ERG: variants seen among roughly 807,000 people sequenced by gnomAD.
ERG encodes the protein ETS transcription factor ERG.
Under a neutral mutation model 55.3 loss-of-function variants are expected in ERG, and 9 were observed. The observed-to-expected ratio is 0.16, with a 90% confidence interval of 0.10 to 0.28. The LOEUF is 0.28. ERG is among the 10% of genes least tolerant of loss of function. ERG has a pLI of 1.00. For missense variants in ERG, 434 were observed against 631.6 expected, an observed-to-expected ratio of 0.69 and a Z score of 3.35; for synonymous variants, 223 against 237.3, an observed-to-expected ratio of 0.94 and a Z score of 0.55.
At chr21:38,480,760 C>T (rs2146648709) in intron 1 of ERG, among the ~76,000 whole-genome samples, 1 of 152,090 alleles carries the variant, frequency 6.6e-6, no homozygotes, top group Non-Finnish European at 1.5e-5. Context: ...CTTTGCCTGA[C>T]CATGCCCTAA....
chr21:38,541,493 T>A (rs1044279759), intron 2 of ERG, among the ~76,000 whole-genome samples: 11 of 152,228 alleles, frequency 7.2e-5, no homozygotes, highest in African/African-American at 2.7e-4. Flanking sequence ...CTTGCTCAAG[T>A]GTAAAATAAA....
chr21:38,524,298 T>C (rs1373610194), intron 2 of ERG, among the ~76,000 whole-genome samples: 3 of 152,244 alleles, frequency 2.0e-5, no homozygotes, highest in Non-Finnish European at 4.4e-5. Context: ...GGCTTGAATT[T>C]CTATAAACAA....
intron 1 of ERG, among the ~76,000 whole-genome samples, chr21:38,580,903 G>C (rs954104084): frequency 1.3e-5 from 2 of 152,272 alleles, no homozygotes; most frequent in Admixed American, 1.3e-4. Context: ...GAGACCCCTC[G>C]ACCCTACCCC....
chr21:38,428,394 C>T (rs562331840), intron 2 of ERG, among the ~76,000 whole-genome samples: 39 of 152,262 alleles, frequency 2.6e-4, no homozygotes, highest in East Asian at 5.8e-4. Flanking sequence ...GAAAAAGTTC[C>T]CGCAAACAGC....
intron 2 of ERG, among the ~76,000 whole-genome samples, chr21:38,513,248 C>G (rs1462101323): frequency 6.6e-6 from 1 of 151,758 alleles, no homozygotes; most frequent in Non-Finnish European, 1.5e-5. Context: ...TATTGAGCAT[C>G]GACTTTATTA....
chr21:38,511,866 C>A (rs547867307), intron 2 of ERG, among the ~76,000 whole-genome samples: 4 of 152,272 alleles, frequency 2.6e-5, no homozygotes, highest in Admixed American at 2.6e-4. Flanking sequence ...GCCAGTAACA[C>A]CTCGCAGACT....
chr21:38,501,540 T>C (rs1462405642), upstream of ERG, among the ~76,000 whole-genome samples: 1 of 152,106 alleles, frequency 6.6e-6, no homozygotes, highest in Non-Finnish European at 1.5e-5. Context: ...AGAACCAGGC[T>C]GCCTTTCCCA....
chr21:38,623,642 G>A (rs2060307097), intron 1 of ERG, among the ~76,000 whole-genome samples: 1 of 152,178 alleles, frequency 6.6e-6, no homozygotes, highest in Non-Finnish European at 1.5e-5. Flanking sequence ...CCTGGTAGCA[G>A]AGCGTGAGGT....
At chr21:38,373,046 C>T in the ERG span, among the ~76,000 whole-genome samples, 1 of 152,172 alleles carries the variant, frequency 6.6e-6, no homozygotes, top group African/African-American at 2.4e-5. Context: ...TCAGTGCACA[C>T]TCTTTGCTCC....
intron 3 of ERG, among the ~76,000 whole-genome samples, chr21:38,411,780 C>T (rs1454903636): frequency 1.3e-5 from 2 of 152,174 alleles, no homozygotes; most frequent in Non-Finnish European, 1.5e-5. Flanking sequence ...ATGTCACTGA[C>T]CTATCAATTA....
In ERG at chr21:38,381,809, G is replaced by C. The variant is rs1218216606; in HGVS notation, c.*1594C>G. On this transcript the variant is annotated 3_prime_UTR_variant, in exon 10 of 10. Coordinates refer to ENST00000288319, the MANE Select transcript of ERG (RefSeq NM_182918.4). ...CCAATGTGAAACCCGGGGTCCTTCT[G>C]TTCCAAAAGGGGCTAGAAATAAAAG... 2.8e-6 allele frequency: 3 copies of C among 1,063,602 alleles called. No homozygotes were observed. Among genetic ancestry groups the C allele is most frequent in the South Asian group, 9.1e-5 (2 of 21,956 alleles). 65.9% of individuals were successfully genotyped at this position (1,063,602 alleles called of 1,614,324 possible).
At chr21:38,465,165 G>A (rs2059077150) in intron 1 of ERG, among the ~76,000 whole-genome samples, 1 of 152,178 alleles carries the variant, frequency 6.6e-6, no homozygotes, top group African/African-American at 2.4e-5. Context: ...GTCTGTAATT[G>A]TGTTTCTGAA....
chr21:38,571,868 C>T (rs2146856361), intron 2 of ERG, among the ~76,000 whole-genome samples: 1 of 152,268 alleles, frequency 6.6e-6, no homozygotes, highest in East Asian at 1.9e-4. Context: ...TCCTCTCCTC[C>T]AGGACAGCCT....
At chr21:38,429,395 A>ATAAACATG (rs1555897794) in intron 2 of ERG, among the ~76,000 whole-genome samples, 2 of 13,974 alleles carry the variant, frequency 1.4e-4, no homozygotes, top group Non-Finnish European at 4.9e-4. Flanking sequence ...ATGTACACAT[A>ATAAACATG]TACACATGTA....
intron 9 of ERG, among the ~76,000 whole-genome samples, chr21:38,388,839 G>A (rs77216355): frequency 6.6e-6 from 1 of 152,106 alleles, no homozygotes; most frequent in African/African-American, 2.4e-5. Context: ...GGGCATCCCC[G>A]GGCTGCTGGG....
intron 2 of ERG, among the ~76,000 whole-genome samples, chr21:38,541,263 T>C (rs894463402): frequency 6.6e-6 from 1 of 152,102 alleles, no homozygotes; most frequent in Admixed American, 6.5e-5. Flanking sequence ...TCAAATCAAA[T>C]TGGAAGAGAA....
intron 1 of ERG, among the ~76,000 whole-genome samples, chr21:38,619,546 A>T (rs552802102): frequency 1.3e-5 from 2 of 152,348 alleles, no homozygotes; most frequent in African/African-American, 4.8e-5. Context: ...TCTAGCAATC[A>T]TAAAAGCATC....
At chr21:38,494,212 T>C (rs1281646648) in intron 1 of ERG, among the ~76,000 whole-genome samples, 1 of 152,182 alleles carries the variant, frequency 6.6e-6, no homozygotes, top group Non-Finnish European at 1.5e-5. Context: ...AGTTGTCCTC[T>C]ATCCTGTGGG....
chr21:38,536,808 G>A (rs953803850), intron 2 of ERG, among the ~76,000 whole-genome samples: 2 of 152,128 alleles, frequency 1.3e-5, no homozygotes, highest in African/African-American at 4.8e-5. Context: ...ATTTCTTTTT[G>A]CAAGTTAAGT....
Sources: allele counts gnomAD v4.1 joint callset (sites outside exome capture counted in the v4.1 genomes callset), GRCh38; gene constraint gnomAD v4.1.1; transcripts MANE v1.5; gene names NCBI Gene and HGNC (gene_info 2026-07-23, HGNC 2026-07-21).